The following INTS7 variants were observed in gnomAD, a reference collection of about 807,000 sequenced individuals.
The protein encoded by INTS7 is chromosome 1 open reading frame 73.
A neutral mutation model predicts 109.2 loss-of-function variants in INTS7; 46 were observed. The observed-to-expected ratio is 0.42, with a 90% CI of 0.33 to 0.54. INTS7 has a LOEUF of 0.54. Among genes scored for constraint, INTS7 ranks in the 20% least tolerant of loss-of-function variants. The pLI is 0.07. For synonymous variants in INTS7, 412 were observed against 402.9 expected, an observed-to-expected ratio of 1.02 and a Z score of -0.27; for missense variants, 929 against 1,132.4, an observed-to-expected ratio of 0.82 and a Z score of 2.58.
intron 16 of INTS7, among the ~76,000 whole-genome samples, chr1:211,965,800 A>G (rs1401384337): frequency 6.6e-6 from 1 of 152,128 alleles, no homozygotes; most frequent in African/African-American, 2.4e-5. Context: ...TGAGGGTGGA[A>G]GGTGGGAGGA....
At chr1:212,001,537 T>A (rs540810521) in intron 7 of INTS7, among the ~76,000 whole-genome samples, 1 of 152,338 alleles carries the variant, frequency 6.6e-6, no homozygotes, top group Admixed American at 6.5e-5. Context: ...ATAAGTAATC[T>A]AGAGAAGGGT....
chr1:212,007,184 T>C (rs1459926645), intron 6 of INTS7, 66 bp downstream of exon 6: 1 of 1,137,954 alleles, frequency 8.8e-7, no homozygotes, highest in Non-Finnish European at 1.3e-6. Flanking sequence ...CACTTTCTTA[T>C]TTCTAATCAT....
At chr1:211,958,823 G>A (rs762203845) in intron 16 of INTS7, among the ~76,000 whole-genome samples, 2 of 152,140 alleles carry the variant, frequency 1.3e-5, no homozygotes, top group Non-Finnish European at 2.9e-5. Flanking sequence ...TATAGATAGT[G>A]TAAATGGGCA....
intron 4 of INTS7, among the ~76,000 whole-genome samples, chr1:212,014,530 A>T (rs1048483728): frequency 3.3e-5 from 5 of 149,356 alleles, no homozygotes; most frequent in Admixed American, 6.6e-5. Context: ...TTTAAATTTT[A>T]AAAAAATTTA....
In INTS7 at chr1:211,957,933, T is replaced by G. The variant is rs139518506; in HGVS notation, c.2184-5232A>C. Among the ~76,000 whole-genome samples, 870 of 152,268 alleles carry G rather than the reference T, an allele frequency of 5.7e-3. 6 individuals carry two copies. Among genetic ancestry groups the G allele is most frequent in the African/African-American group, 0.019 (805 of 41,544 alleles). On this transcript the variant is annotated intron_variant, in intron 16 of 19. Transcript: ENST00000366994. ...ACCCTCAGTTTATCAGAAGTTACTGTCAAATGATATACTACTAAATGTAAG... is the reference window on the plus strand; with the variant it reads ...ACCCTCAGTTTATCAGAAGTTACTGGCAAATGATATACTACTAAATGTAAG...
At chr1:211,944,426 T>C (rs115684934) in intron 19 of INTS7, among the ~76,000 whole-genome samples, 4,302 of 152,278 alleles carry the variant, frequency 0.028, 83 homozygotes, top group Non-Finnish European at 0.042. Flanking sequence ...ATAAATTTTA[T>C]AGGGGCAGGC....
intron 7 of INTS7, among the ~76,000 whole-genome samples, chr1:211,999,375 T>A (rs925123776): frequency 6.6e-6 from 1 of 152,176 alleles, no homozygotes; most frequent in Non-Finnish European, 1.5e-5. Context: ...AAAGGCCACA[T>A]ACCATATGAT....
At position 212,007,403 on chromosome 1, in the gene INTS7, T is replaced by C. The variant is rs1474666478; in HGVS notation, c.603A>G (p.Leu201=). Residue 201 remains leucine, a synonymous_variant, in exon 6 of 20, where the codon CTA becomes CTG. Transcript: ENST00000366994. Reference sequence around the variant, plus strand: ...AGATTGCATCATGGTGCATGTGCTGTAGAATGGGTATCAATTTTAGCTTCA... The same window carrying C: ...AGATTGCATCATGGTGCATGTGCTGCAGAATGGGTATCAATTTTAGCTTCA... ...VDLKLKLIPI[L]QHMHHDAILA... 1 of 1,614,028 alleles carries C rather than the reference T, an allele frequency of 6.2e-7. No individual in the cohort carries two copies. The highest frequency in any genetic ancestry group is 8.5e-7 in the Non-Finnish European group (1 of 1,179,918).
chr1:212,014,718 A>AT (rs369061478), intron 4 of INTS7, among the ~76,000 whole-genome samples: 46,543 of 151,394 alleles, frequency 0.31, 8,815 homozygotes, highest in Middle Eastern at 0.42. Flanking sequence ...TGGTTTTTGT[A>AT]TTTTTTGGTG....
rs779151436 is a variant in INTS7 at position 211,982,712 on chromosome 1, C to G, written c.1096G>C (p.Val366Leu). 6.2e-6 allele frequency: 10 copies of G among 1,610,402 alleles called. No homozygotes were observed. The South Asian group carries it at 1.1e-4, about 18-fold the overall frequency. Residue 366 changes from valine (V) to leucine (L), a missense_variant, in exon 9 of 20, where the codon GTC (valine) becomes CTC (leucine). Physicochemically the swap from Val to Leu is conservative, Grantham distance 32 (BLOSUM62 1). This residue lies in a region of INTS7 where 787 missense variants were observed against 901.1 expected (regional missense o/e 0.87). Coordinates refer to ENST00000366994, the MANE Select transcript of INTS7 (RefSeq NM_015434.4). ...CAAGAAACAGTTATATTAGTTAGGA[C>G]TCTAACTCCATGAGCTGCAATGCCC... Reference protein sequence around the residue: ...NRGIAAHGVRVLTNITVSCQE... With the variant: ...NRGIAAHGVRLLTNITVSCQE...
intron 18 of INTS7, 56 bp from the exon 19 acceptor site, chr1:211,945,025 CA>C: frequency 6.5e-7 from 1 of 1,540,620 alleles, no homozygotes; most frequent in Admixed American, 1.7e-5. Context: ...TTCCTTCCGA[CA>C]AACATGTCTG....
chr1:212,030,694 T>C (rs1051659988), intron 1 of INTS7: 4 of 152,316 alleles, frequency 2.6e-5, no homozygotes, highest in African/African-American at 9.6e-5. Context: ...GTGGGTCACA[T>C]GCCTACTTCT....
intron 16 of INTS7, among the ~76,000 whole-genome samples, chr1:211,962,836 C>T (rs1663699286): frequency 6.6e-6 from 1 of 152,038 alleles, no homozygotes; most frequent in South Asian, 2.1e-4. Context: ...CTAATGAAAA[C>T]AAAGAAACAA....
intron 7 of INTS7, among the ~76,000 whole-genome samples, chr1:211,997,920 G>A (rs573896308): frequency 7.3e-5 from 11 of 150,356 alleles, no homozygotes; most frequent in East Asian, 3.9e-4. Flanking sequence ...ATGTCAATTC[G>A]TCCCAAATTG....
chr1:211,977,813 AAG>A, intron 11 of INTS7, among the ~76,000 whole-genome samples: 1 of 152,368 alleles, frequency 6.6e-6, no homozygotes, highest in African/African-American at 2.4e-5. Flanking sequence ...TAAACAGCTA[AAG>A]AGGTCCTGGA....
intron 7 of INTS7, among the ~76,000 whole-genome samples, chr1:212,004,851 TACA>T (rs1471560606): frequency 1.3e-5 from 2 of 152,324 alleles, no homozygotes; most frequent in East Asian, 3.9e-4. Context: ...ACATAAAAAG[TACA>T]ACTTCTAAAC....
chr1:212,007,150 T>C (rs894889134), intron 6 of INTS7, 100 bp downstream of exon 6: 1 of 834,874 alleles, frequency 1.2e-6, no homozygotes, highest in African/African-American at 1.7e-5. Flanking sequence ...GAAAAGAACC[T>C]TAATGTCCTC....
At chr1:211,981,289 G>A in intron 9 of INTS7, 99 bp from the exon 10 acceptor site, 1 of 683,164 alleles carries the variant, frequency 1.5e-6, no homozygotes. Flanking sequence ...AAACATTAAG[G>A]AGTTTAAGAT....
chr1:212,011,655 A>C (rs1666171772), intron 4 of INTS7: 3 of 467,568 alleles, frequency 6.4e-6, no homozygotes, highest in Non-Finnish European at 1.2e-5. Context: ...CACTTAGGCC[A>C]TTACCACAAT....
Sources: allele counts gnomAD v4.1 joint callset (sites outside exome capture counted in the v4.1 genomes callset), GRCh38; gene constraint gnomAD v4.1.1; regional missense constraint gnomAD v4.1.1; transcripts MANE v1.5; gene names NCBI Gene and HGNC (gene_info 2026-07-23, HGNC 2026-07-21).